Variants in WDR33 observed in about 807,000 individuals in gnomAD.
WDR33 encodes pre-mRNA 3' end processing protein WDR33.
In WDR33, 47 loss-of-function variants were observed where a neutral mutation model predicts 164.9. That is an observed-to-expected ratio of 0.29 (90% CI 0.23 to 0.36). The LOEUF (loss-of-function observed/expected upper bound fraction) is 0.36, where lower values mean the gene tolerates loss of function less well. WDR33 is among the 10% of genes least tolerant of loss of function. The pLI is 1.00. For missense variants in WDR33, 1,137 were observed against 1,754.1 expected, an observed-to-expected ratio of 0.65 and a Z score of 6.28; for synonymous variants, 505 against 589.0, an observed-to-expected ratio of 0.86 and a Z score of 2.06.
rs67929644 is a variant in WDR33 at position 127,733,127 on chromosome 2, AC to A, written c.725-6351del. On this transcript the variant is annotated intron_variant, in intron 7 of 21. Coordinates refer to ENST00000322313, the MANE Select transcript of WDR33 (RefSeq NM_018383.5). ...CTCCCTAAAGGCTAAAGATTTTAGT[AC>A]TGAAAATTTCTTGCTGATGAAAGAC... 7.0e-3 allele frequency among the ~76,000 whole-genome samples: 1,065 copies of A among 152,346 alleles called. 9 individuals are homozygous for A. Among genetic ancestry groups the A allele is most frequent in the African/African-American group, 0.024 (1,013 of 41,588 alleles).
At chr2:127,762,545 A>G in intron 7 of WDR33, 1 of 984,442 alleles carries the variant, frequency 1.0e-6, no homozygotes, top group Non-Finnish European at 1.2e-6. Flanking sequence ...CAACAAAAGT[A>G]AACAAGCAGC....
chr2:127,806,185 C>T (rs1302178926), intron 1 of WDR33, among the ~76,000 whole-genome samples: 1 of 149,806 alleles, frequency 6.7e-6, no homozygotes, highest in African/African-American at 2.4e-5. Flanking sequence ...AGTGGCTCAT[C>T]ATCTCTTTAG....
Position 127,778,555 on chromosome 2 carries a change from C to G in WDR33, c.-23-7551G>C, listed in dbSNP as rs556614457. Among the ~76,000 whole-genome samples the G allele has an allele frequency of 1.4e-4, 22 of 152,012 alleles. No homozygotes were observed. In the South Asian group the frequency reaches 4.6e-3, roughly 32 times the overall value. On this transcript the variant is annotated intron_variant, in intron 1 of 21. Transcript: ENST00000322313. Reference sequence around the variant, plus strand: ...CACATTCTGTTCTCAAGAGTCTGACCGTTTCTCAGTACAGAAGAGCTCAAA... The same window carrying G: ...CACATTCTGTTCTCAAGAGTCTGACGGTTTCTCAGTACAGAAGAGCTCAAA...
chr2:127,774,640 T>C (rs1183785241), intron 1 of WDR33, among the ~76,000 whole-genome samples: 1 of 151,988 alleles, frequency 6.6e-6, no homozygotes, highest in African/African-American at 2.4e-5. Context: ...CCATCCCGGC[T>C]AACATGGTGA....
rs1454735400 is a variant in WDR33 at position 127,714,317 on chromosome 2, G to A, written c.2870-296C>T. ...CACTGGAAAAATGAGAGAGCCTCCTGGGCTTCAGAAGGAGCTTCCTTTGTC... is the reference window on the plus strand; with the variant it reads ...CACTGGAAAAATGAGAGAGCCTCCTAGGCTTCAGAAGGAGCTTCCTTTGTC... On this transcript the variant is annotated intron_variant, in intron 17 of 21. Transcript: ENST00000322313. The surrounding 1 kb of genome is among the most constrained non-coding windows in gnomAD (Gnocchi z 4.3). Among the ~76,000 whole-genome samples the A allele has an allele frequency of 6.6e-6, 1 of 152,196 alleles. No individual in the cohort carries two copies. Among genetic ancestry groups the A allele is most frequent in the Non-Finnish European group, 1.5e-5 (1 of 68,034 alleles).
rs778941398 is a variant in WDR33, at chr2:127,710,693, C to T, written c.3309-837G>A. Among the ~76,000 whole-genome samples, 5 of 152,204 alleles carry T rather than the reference C, an allele frequency of 3.3e-5. No homozygotes were observed. The highest frequency in any genetic ancestry group is 2.6e-4 in the Admixed American group (4 of 15,292). On this transcript the variant is annotated intron_variant, in intron 18 of 21. Transcript: ENST00000322313. This position sits in a 1 kb window ranked among gnomAD's most constrained non-coding sequence, Gnocchi z 4.4. The stretch of plus-strand genomic sequence containing the variant: ...GTGCGAAAGAAGAGAAAGTGACCTT[C>T]TGGCAGCGCTCACTGAGAGGCGGTG...
intron 1 of WDR33, among the ~76,000 whole-genome samples, chr2:127,788,311 C>T (rs1371857699): frequency 8.2e-6 from 1 of 122,664 alleles, no homozygotes; most frequent in Non-Finnish European, 1.8e-5. Context: ...CCCCCCACCT[C>T]CCTCCCGGAC....
chr2:127,756,037 A>G (rs1687506671), intron 7 of WDR33, among the ~76,000 whole-genome samples: 1 of 152,170 alleles, frequency 6.6e-6, no homozygotes, highest in Admixed American at 6.5e-5. Context: ...GTTTTCTGGT[A>G]TACCATAAAA....
Position 127,714,719 on chromosome 2 carries a change from G to A in WDR33, c.2870-698C>T, listed in dbSNP as rs1686258224. Among the ~76,000 whole-genome samples, 1 of 152,196 alleles carries A rather than the reference G, an allele frequency of 6.6e-6. No individual in the cohort carries two copies. Among genetic ancestry groups the A allele is most frequent in the Admixed American group, 6.5e-5 (1 of 15,286 alleles). The stretch of plus-strand genomic sequence containing the variant: ...TCTAAAATATGTGAAAATATGTACT[G>A]TAATGAAAGTACTGAATAAAAATGG... On this transcript the variant is annotated intron_variant, in intron 17 of 21. Coordinates refer to ENST00000322313, the MANE Select transcript of WDR33 (RefSeq NM_018383.5). The surrounding 1 kb of genome is among the most constrained non-coding windows in gnomAD (Gnocchi z 4.3).
At position 127,709,541 on chromosome 2, in the gene WDR33, G is replaced by A. The variant is rs767281671; in HGVS notation, c.3514C>T (p.Arg1172Cys). ...GLLPTPDEFP[R>C]FEGGRKPDSW... ...TCTGGCTTCCGCCCTCCTTCAAAGC[G>A]AGGGAACTCGTCAGGAGTGGGAAGT... The change falls in exon 20 of 22, where the codon CGC (arginine) becomes TGC (cysteine). Residue 1172 changes from arginine (R) to cysteine (C), a missense_variant. By Grantham distance (180) the Arg-to-Cys change is radical (BLOSUM62 -3). This residue lies in a region of WDR33 where 867 missense variants were observed against 1,073.0 expected (regional missense o/e 0.81). Coordinates refer to ENST00000322313, the MANE Select transcript of WDR33 (RefSeq NM_018383.5). The surrounding 1 kb of genome is among the most constrained non-coding windows in gnomAD (Gnocchi z 5.0). The A allele has an allele frequency of 1.1e-5, 18 of 1,613,992 alleles. No homozygotes were observed. Among genetic ancestry groups the A allele is most frequent in the Middle Eastern group, 1.6e-4 (1 of 6,084 alleles).
chr2:127,794,303 C>G (rs531506037), intron 1 of WDR33, among the ~76,000 whole-genome samples: 2 of 151,228 alleles, frequency 1.3e-5, no homozygotes, highest in African/African-American at 2.4e-5. Flanking sequence ...AGTTCTAGAC[C>G]AGCTTGGCCA....
rs970118275 is a variant in WDR33 at position 127,706,010 on chromosome 2, G to A, written c.*313C>T. 2.5e-5 allele frequency: 8 copies of A among 321,470 alleles called. No homozygotes were observed. The highest frequency in any genetic ancestry group is 3.9e-5 in the Non-Finnish European group (7 of 177,732). 19.9% of individuals were successfully genotyped at this position (321,470 alleles called of 1,614,324 possible). ...ACACATAGAAACAAATTTCCAAATG[G>A]ACAGGAACTTAAATTTGTGGAGATG... On this transcript the variant is annotated 3_prime_UTR_variant, in exon 22 of 22. Coordinates refer to ENST00000322313, the MANE Select transcript of WDR33 (RefSeq NM_018383.5). The surrounding 1 kb of genome is among the most constrained non-coding windows in gnomAD (Gnocchi z 5.1).
rs1244298291 is a variant in WDR33 at position 127,719,115 on chromosome 2, CTTCAG to C, written c.2760+145_2760+149del. On this transcript the variant is annotated intron_variant, in intron 16 of 21. Transcript: ENST00000322313. The surrounding 1 kb of genome is among the most constrained non-coding windows in gnomAD (Gnocchi z 6.5). ...AACTCATCATTCTTATGATTTCATT[CTTCAG>C]CCAGGATGCTAGTATCTTAAGCTAC... 7 of 1,021,024 alleles carry C rather than the reference CTTCAG, an allele frequency of 6.9e-6. No homozygotes were observed. The highest frequency in any genetic ancestry group is 7.8e-6 in the Non-Finnish European group (6 of 771,560). The allele number at this position is 1,021,024 out of a possible 1,614,324, so 63.2% of individuals were successfully genotyped here. A position where few individuals can be genotyped will look rare whatever the true frequency, so the allele number is the denominator to read the frequency against.
Position 127,724,838 on chromosome 2 carries a change from C to G in WDR33, c.1085+49G>C. 6.3e-7 allele frequency: 1 copy of G among 1,582,846 alleles called. No homozygotes were observed. Among genetic ancestry groups the G allele is most frequent in the Non-Finnish European group, 8.7e-7 (1 of 1,151,552 alleles). On this transcript the variant is annotated intron_variant, in intron 10 of 21. Transcript: ENST00000322313. The surrounding 1 kb of genome is among the most constrained non-coding windows in gnomAD (Gnocchi z 4.8). ...AAACTATCATGTCTGCACACATTCA[C>G]GTGCTCTCTTCACAAAATACACTAC...
chr2:127,782,882 G>A (rs914124324), intron 1 of WDR33, among the ~76,000 whole-genome samples: 2 of 152,042 alleles, frequency 1.3e-5, no homozygotes, highest in African/African-American at 2.4e-5. Context: ...GGTGGCAGGC[G>A]CCTGTAGTCC....
chr2:127,715,096 T>G (rs1371143915), intron 17 of WDR33, among the ~76,000 whole-genome samples: 1 of 145,954 alleles, frequency 6.9e-6, no homozygotes, highest in Middle Eastern at 3.5e-3. Context: ...TTCTTTTTTT[T>G]TTTTTTTTTT....
chr2:127,803,777 G>A (rs1244391717), intron 1 of WDR33, among the ~76,000 whole-genome samples: 2 of 151,818 alleles, frequency 1.3e-5, no homozygotes, highest in Non-Finnish European at 2.9e-5. Context: ...GAAGGACTTG[G>A]GTTATTGTTT....
At chr2:127,766,628 G>A (rs887531630) in intron 4 of WDR33, among the ~76,000 whole-genome samples, 9 of 151,868 alleles carry the variant, frequency 5.9e-5, no homozygotes, top group African/African-American at 1.9e-4. Context: ...ATGGATGCTC[G>A]GATTTTATTC....
chr2:127,738,813 C>T lies in WDR33; in HGVS notation c.725-12036G>A, dbSNP rs1164118984. On this transcript the variant is annotated intron_variant, in intron 7 of 21. Coordinates refer to ENST00000322313, the MANE Select transcript of WDR33 (RefSeq NM_018383.5). The surrounding 1 kb of genome is among the most constrained non-coding windows in gnomAD (Gnocchi z 4.4). ...CAGGGCACACTGCCTATGGGTTAGT[C>T]CTGCCCCGCAAGCAGTCACTCTGTA... is the stretch of plus-strand genomic sequence containing the variant. Among the ~76,000 whole-genome samples, 1 of 152,120 alleles carries T rather than the reference C, an allele frequency of 6.6e-6. No individual in the cohort carries two copies. The highest frequency in any genetic ancestry group is 2.4e-5 in the African/African-American group (1 of 41,420).
Sources: gnomAD v4.1 joint callset for allele counts (sites outside exome capture counted in the v4.1 genomes callset) on GRCh38, gnomAD v4.1.1 for gene constraint, gnomAD v4.1.1 regional missense constraint, Gnocchi (gnomAD v3.1) non-coding constraint, MANE v1.5 for transcripts, NCBI Gene and HGNC (gene_info 2026-07-23, HGNC 2026-07-21) for gene names.